The following LRCH2 variants were observed in gnomAD, a reference collection of about 807,000 sequenced individuals.
LRCH2 encodes leucine rich repeats and calponin homology domain containing 2.
A neutral mutation model predicts 68.9 loss-of-function variants in LRCH2; 38 were observed. That is an observed-to-expected ratio of 0.55 (90% CI 0.43 to 0.72). The LOEUF is 0.72. LRCH2 is among the 30% of genes least tolerant of loss of function. The pLI, the probability that LRCH2 is intolerant of heterozygous loss-of-function variation, is 0.00. For missense variants in LRCH2, 528 were observed against 572.9 expected, an observed-to-expected ratio of 0.92 and a Z score of 0.80; for synonymous variants, 191 against 208.1, an observed-to-expected ratio of 0.92 and a Z score of 0.71.
intron 3 of LRCH2, among the ~76,000 whole-genome samples, chrX:115,181,915 T>A (rs980850335): frequency 8.1e-5 from 9 of 111,642 alleles, no homozygotes; most frequent in African/African-American, 2.9e-4. Context: ...AAAAGCATGG[T>A]TGTGCCTGTA....
At chrX:115,209,060 C>A (rs2072988623) in intron 1 of LRCH2, among the ~76,000 whole-genome samples, 1 of 112,239 alleles carries the variant, frequency 8.9e-6, no homozygotes, top group Admixed American at 9.4e-5. Flanking sequence ...CTTGAAGGAA[C>A]ATGGGAGTTA....
intron 6 of LRCH2, among the ~76,000 whole-genome samples, chrX:115,167,487 C>T (rs191864125): frequency 9.2e-6 from 1 of 108,901 alleles, no homozygotes; most frequent in Non-Finnish European, 1.9e-5. Context: ...TTAGGAAAGG[C>T]ATCACTCAAG....
intron 8 of LRCH2, 77 bp from the exon 9 acceptor site, chrX:115,165,732 T>C: frequency 5.4e-6 from 5 of 928,660 alleles, no homozygotes; most frequent in Non-Finnish European, 5.9e-6. Context: ...TAGAAAAATG[T>C]GTATTTTCTC....
intron 8 of LRCH2, 26 bp from the exon 9 acceptor site, chrX:115,165,681 A>G: frequency 1.9e-6 from 2 of 1,034,107 alleles, no homozygotes; most frequent in South Asian, 4.3e-5. Flanking sequence ...TATTTATTAG[A>G]AAATGTACAT....
At chrX:115,221,340 T>C (rs190020280) in intron 1 of LRCH2, among the ~76,000 whole-genome samples, 1 of 107,466 alleles carries the variant, frequency 9.3e-6, no homozygotes, top group African/African-American at 3.4e-5. Context: ...TTTTTTTCAT[T>C]TTTAAAAATA....
At chrX:115,190,271 G>A in intron 1 of LRCH2, 1 of 1,153,505 alleles carries the variant, frequency 8.7e-7, no homozygotes, top group South Asian at 2.0e-5. Flanking sequence ...CCCTTGAGAG[G>A]CGACGGCAAC....
At chrX:115,176,721 G>A (rs2072650991) in intron 5 of LRCH2, among the ~76,000 whole-genome samples, 1 of 109,300 alleles carries the variant, frequency 9.1e-6, no homozygotes, top group Admixed American at 9.7e-5. Flanking sequence ...ATTCTTGGCT[G>A]GCTGTTCATT....
chrX:115,231,306 T>C (rs2073151164), intron 1 of LRCH2, among the ~76,000 whole-genome samples: 1 of 111,723 alleles, frequency 9.0e-6, no homozygotes. Flanking sequence ...TGTGTGTTCC[T>C]GTATGTATGT....
intron 1 of LRCH2, among the ~76,000 whole-genome samples, chrX:115,203,878 A>T (rs782591444): frequency 5.1e-4 from 57 of 112,210 alleles, no homozygotes; most frequent in African/African-American, 1.8e-3. Flanking sequence ...ATCTTCTCAC[A>T]GCTTCACTAG....
intron 1 of LRCH2, among the ~76,000 whole-genome samples, chrX:115,205,993 G>C (rs2072964238): frequency 9.0e-6 from 1 of 110,664 alleles, no homozygotes; most frequent in Admixed American, 9.7e-5. Context: ...CTACCAAAAA[G>C]GGACAGAAAA....
intron 1 of LRCH2, among the ~76,000 whole-genome samples, chrX:115,231,589 A>G (rs1179219658): frequency 8.9e-6 from 1 of 112,254 alleles, no homozygotes; most frequent in African/African-American, 3.2e-5. Context: ...ATTCAACTGA[A>G]GAGAAAAAGT....
rs2147377170 is a variant in LRCH2 at position 115,234,088 on chromosome X, C to G, written c.-47G>C. The G allele has an allele frequency of 6.1e-6, 7 of 1,144,526 alleles. No homozygotes were observed. The South Asian group carries it at 6.1e-5, about 10-fold the overall frequency. The allele number at this position is 1,144,526 out of a possible 1,213,427, so 94.3% of individuals were successfully genotyped here. A position where few individuals can be genotyped will look rare whatever the true frequency, so the allele number is the denominator to read the frequency against. Reference sequence around the variant, plus strand: ...CCCCGACAATACTGTCAGCCTGTGCCGCGAGTGTAAGGGGTTCTTAGGACG... The same window carrying G: ...CCCCGACAATACTGTCAGCCTGTGCGGCGAGTGTAAGGGGTTCTTAGGACG... On this transcript the variant is annotated 5_prime_UTR_variant, in exon 1 of 21. Coordinates refer to ENST00000317135, the MANE Select transcript of LRCH2 (RefSeq NM_020871.4).
chrX:115,170,223 C>CTCA (rs2072594325), intron 6 of LRCH2, 76 bp downstream of exon 6: 1 of 992,226 alleles, frequency 1.0e-6, no homozygotes. Context: ...ATTCGGAACA[C>CTCA]TCAAGATTAA....
At chrX:115,158,191 A>G (rs1556540290) in intron 11 of LRCH2, among the ~76,000 whole-genome samples, 1 of 111,845 alleles carries the variant, frequency 8.9e-6, no homozygotes, top group African/African-American at 3.2e-5. Flanking sequence ...AACTCTAGAT[A>G]CCTTGATTCA....
Position 115,163,670 on chromosome X carries a change from G to A in LRCH2, c.1463+6C>T, listed in dbSNP as rs868911321. On this transcript the variant is annotated splice_donor_region_variant and intron_variant, in intron 11 of 20. Coordinates refer to ENST00000317135, the MANE Select transcript of LRCH2 (RefSeq NM_020871.4). ...CCAATTCAAATCTCATTACTGAAAG[G>A]AATACCTGTTCTTCTGTTCTTGCTG... 1 of 1,152,290 alleles carries A rather than the reference G, an allele frequency of 8.7e-7. No individual in the cohort carries two copies. The highest frequency in any genetic ancestry group is 1.8e-5 in the African/African-American group (1 of 56,175). 95.0% of individuals were successfully genotyped at this position (1,152,290 alleles called of 1,213,427 possible). A position where few individuals can be genotyped will look rare whatever the true frequency, so the allele number is the denominator to read the frequency against.
At chrX:115,161,640 G>A (rs2072519821) in intron 11 of LRCH2, among the ~76,000 whole-genome samples, 1 of 110,596 alleles carries the variant, frequency 9.0e-6, no homozygotes, top group Admixed American at 9.7e-5. Flanking sequence ...TAATTTTCAA[G>A]CAGTCAATCA....
chrX:115,144,021 A>T (rs1468144814), intron 14 of LRCH2, among the ~76,000 whole-genome samples: 1 of 111,962 alleles, frequency 8.9e-6, no homozygotes, highest in Non-Finnish European at 1.9e-5. Context: ...CACAAGTGTC[A>T]TGGGAGATAC....
intron 14 of LRCH2, among the ~76,000 whole-genome samples, chrX:115,142,246 G>A (rs2072346055): frequency 9.0e-6 from 1 of 111,668 alleles, no homozygotes; most frequent in African/African-American, 3.3e-5. Context: ...TTTCAGCACT[G>A]GACAGATCTC....
intron 1 of LRCH2, among the ~76,000 whole-genome samples, chrX:115,206,969 C>G (rs1429897943): frequency 7.3e-5 from 8 of 109,943 alleles, no homozygotes; most frequent in African/African-American, 2.7e-4. Flanking sequence ...CTCACACTAA[C>G]AGCATCTCAT....
Sources: allele counts gnomAD v4.1 joint callset (sites outside exome capture counted in the v4.1 genomes callset), GRCh38; gene constraint gnomAD v4.1.1; transcripts MANE v1.5; gene names NCBI Gene and HGNC (gene_info 2026-07-23, HGNC 2026-07-21).